CTTNBP2: variants seen among roughly 807,000 people sequenced by gnomAD.
CTTNBP2 encodes cortactin binding protein 2.
A neutral mutation model predicts 156.9 loss-of-function variants in CTTNBP2; 108 were observed. The observed-to-expected ratio is 0.69, with a 90% CI of 0.59 to 0.81. The LOEUF is 0.81. Among genes scored for constraint, CTTNBP2 ranks in the 30% least tolerant of loss-of-function variants. The pLI is 0.00. For missense variants in CTTNBP2, 1,924 were observed against 2,035.4 expected, an observed-to-expected ratio of 0.95 and a Z score of 1.05; for synonymous variants, 767 against 751.8, an observed-to-expected ratio of 1.02 and a Z score of -0.33.
At chr7:117,814,872 T>C (rs184328668) in intron 2 of CTTNBP2, among the ~76,000 whole-genome samples, 2 of 152,374 alleles carry the variant, frequency 1.3e-5, no homozygotes, top group African/African-American at 2.4e-5. Context: ...GTTGCTGATA[T>C]CTTTAGTTGT....
intron 2 of CTTNBP2, among the ~76,000 whole-genome samples, chr7:117,814,464 C>A (rs1800463055): frequency 6.6e-6 from 1 of 152,102 alleles, no homozygotes; most frequent in South Asian, 2.1e-4. Context: ...CTTGCTCTGC[C>A]ACCCAGGCTG....
intron 2 of CTTNBP2, among the ~76,000 whole-genome samples, chr7:117,811,299 C>A (rs1261852826): frequency 6.6e-6 from 1 of 152,014 alleles, no homozygotes; most frequent in African/African-American, 2.4e-5. Context: ...TTTTTTTACA[C>A]CCCCACCCCT....
intron 19 of CTTNBP2, among the ~76,000 whole-genome samples, chr7:117,722,791 A>G (rs1484931058): frequency 1.3e-5 from 2 of 152,218 alleles, no homozygotes; most frequent in Non-Finnish European, 2.9e-5. Context: ...GTACCCATAG[A>G]TCACTGCACG....
At chr7:117,727,857 G>A (rs1056822955) in intron 17 of CTTNBP2, among the ~76,000 whole-genome samples, 2 of 152,160 alleles carry the variant, frequency 1.3e-5, no homozygotes, top group African/African-American at 4.8e-5. Context: ...ACATAACTTG[G>A]ATGAGAATTT....
At chr7:117,745,960 T>C (rs1298053670) in intron 13 of CTTNBP2, 30 bp from the exon 14 acceptor site, 2 of 1,610,604 alleles carry the variant, frequency 1.2e-6, no homozygotes, top group African/African-American at 2.7e-5. Context: ...TGATTAGTTC[T>C]ACGCACTTGC....
At chr7:117,739,444 AC>A (rs1795878690) in intron 14 of CTTNBP2, among the ~76,000 whole-genome samples, 1 of 152,038 alleles carries the variant, frequency 6.6e-6, no homozygotes, top group Non-Finnish European at 1.5e-5. Flanking sequence ...GCTCTTTTTG[AC>A]CTTTTTCTTC....
chr7:117,735,127 C>A lies in CTTNBP2; in HGVS notation c.3689-27G>T, dbSNP rs199595554. 6.9e-6 allele frequency: 11 copies of A among 1,605,420 alleles called. No homozygotes were observed. In the East Asian group the frequency reaches 2.5e-4, roughly 36 times the overall value. On this transcript the variant is annotated intron_variant, in intron 15 of 22. Coordinates refer to ENST00000160373, the MANE Select transcript of CTTNBP2 (RefSeq NM_033427.3). ...TGAAACAAACCAAAAAGCAATGGCC[C>A]ATCCTCAGTGAGTTATGTTATGGGA...
chr7:117,728,235 A>G lies in CTTNBP2; in HGVS notation c.3909T>C (p.Pro1303=). The change falls in exon 17 of 23, where the codon CCT becomes CCC. Residue 1303 remains proline (P), a synonymous_variant. Coordinates refer to ENST00000160373, the MANE Select transcript of CTTNBP2 (RefSeq NM_033427.3). ...FKGQAPSPCD[P]VCKIVDWALS... ...GAGCCCAGTCGACAATCTTGCACAC[A>G]GGATCGCAGGGGGAGGGCGCCTGAC... 5 of 1,613,990 alleles carry G rather than the reference A, an allele frequency of 3.1e-6. No homozygotes were observed. The highest frequency in any genetic ancestry group is 4.2e-6 in the Non-Finnish European group (5 of 1,179,902).
chr7:117,796,809 T>C (rs1260556917), intron 3 of CTTNBP2, among the ~76,000 whole-genome samples: 1 of 152,228 alleles, frequency 6.6e-6, no homozygotes, highest in African/African-American at 2.4e-5. Context: ...AATGTTTTTA[T>C]AAGTTAGATA....
At chr7:117,794,356 G>A (rs892294245) in intron 3 of CTTNBP2, among the ~76,000 whole-genome samples, 4 of 152,070 alleles carry the variant, frequency 2.6e-5, no homozygotes, top group African/African-American at 4.8e-5. Flanking sequence ...TTCCACTGGC[G>A]GTCCATAATG....
At chr7:117,862,125 G>C (rs913939670) in intron 1 of CTTNBP2, among the ~76,000 whole-genome samples, 3 of 152,122 alleles carry the variant, frequency 2.0e-5, no homozygotes, top group Non-Finnish European at 2.9e-5. Flanking sequence ...TGCCATCCAT[G>C]TGTGGTCATC....
chr7:117,746,020 C>T lies in CTTNBP2; in HGVS notation c.3428G>A (p.Cys1143Tyr). ...TATACAAGTAATCAATACCTTCAGG[C>T]AGAGTGCAAGCTGATGTACTATGTA... ...QDYIVHQLAL[C>Y]LKHRQMAAGF... Residue 1143 changes from cysteine (C) to tyrosine (Y), a missense_variant, in exon 13 of 23, where the codon TGC (cysteine) becomes TAC (tyrosine). Physicochemically the swap from Cys to Tyr is radical, Grantham distance 194. Coordinates refer to ENST00000160373, the MANE Select transcript of CTTNBP2 (RefSeq NM_033427.3). 1 of 1,613,836 alleles carries T rather than the reference C, an allele frequency of 6.2e-7. No homozygotes were observed. Among genetic ancestry groups the T allele is most frequent in the Admixed American group, 1.7e-5 (1 of 60,018 alleles).
chr7:117,855,760 T>C (rs905205459), intron 2 of CTTNBP2, among the ~76,000 whole-genome samples: 35 of 152,252 alleles, frequency 2.3e-4, no homozygotes, highest in African/African-American at 8.4e-4. Context: ...AAGATCATTC[T>C]AGGCAAACTC....
chr7:117,737,298 A>G (rs1225814940), intron 14 of CTTNBP2, among the ~76,000 whole-genome samples: 3 of 152,186 alleles, frequency 2.0e-5, no homozygotes, highest in Admixed American at 1.3e-4. Flanking sequence ...AAACATTTTT[A>G]ATTCAGCGAT....
intron 3 of CTTNBP2, among the ~76,000 whole-genome samples, chr7:117,794,468 G>A (rs1799204982): frequency 6.6e-6 from 1 of 152,174 alleles, no homozygotes; most frequent in Non-Finnish European, 1.5e-5. Context: ...ATCCTCCCAA[G>A]AGAGTCACTA....
chr7:117,864,719 TATATAC>T (rs1219696204), intron 1 of CTTNBP2, among the ~76,000 whole-genome samples: 15 of 133,092 alleles, frequency 1.1e-4, no homozygotes, highest in South Asian at 2.4e-4. Context: ...TATATATTCA[TATATAC>T]ATATATTCAT....
chr7:117,719,540 G>A lies in CTTNBP2; in HGVS notation c.4608C>T (p.Ser1536=). The stretch of plus-strand genomic sequence containing the variant: ...CAGACTCAGACTTGCTGGAGCACAT[G>A]CTCTGAAGTTCCTTGACAAGATCTG... ...DEADLVKELQ[S]MCSSKSESDI... The change falls in exon 21 of 23, where the codon AGC becomes AGT. Residue 1536 remains serine (S), a synonymous_variant. Transcript: ENST00000160373. The A allele has an allele frequency of 6.2e-7, 1 of 1,613,986 alleles. No homozygotes were observed. The highest frequency in any genetic ancestry group is 1.1e-5 in the South Asian group (1 of 91,042).
intron 2 of CTTNBP2, among the ~76,000 whole-genome samples, chr7:117,853,717 C>T (rs542813632): frequency 8.5e-5 from 13 of 152,266 alleles, no homozygotes; most frequent in African/African-American, 2.4e-4. Flanking sequence ...TGCACCAGAA[C>T]GGATCAAATG....
At chr7:117,867,565 G>A (rs1422549771) in intron 1 of CTTNBP2, among the ~76,000 whole-genome samples, 1 of 151,652 alleles carries the variant, frequency 6.6e-6, no homozygotes, top group Non-Finnish European at 1.5e-5. Context: ...TATACACTTT[G>A]GGTATAAAAT....
Sources: gnomAD v4.1 joint callset for allele counts (sites outside exome capture counted in the v4.1 genomes callset) on GRCh38, gnomAD v4.1.1 for gene constraint, MANE v1.5 for transcripts, NCBI Gene and HGNC (gene_info 2026-07-23, HGNC 2026-07-21) for gene names.